ADTRP: variants seen among roughly 807,000 people sequenced by gnomAD.
ADTRP encodes androgen dependent TFPI regulating protein.
Under a neutral mutation model 27.0 loss-of-function variants are expected in ADTRP, and 20 were observed. The observed-to-expected ratio is 0.74, with a 90% CI of 0.52 to 1.08. The LOEUF (loss-of-function observed/expected upper bound fraction) is 1.08. ADTRP is among the 50% of genes least tolerant of loss of function. The pLI is 0.00. For missense variants in ADTRP, 251 were observed against 275.0 expected, an observed-to-expected ratio of 0.91 and a Z score of 0.62; for synonymous variants, 101 against 105.2, an observed-to-expected ratio of 0.96 and a Z score of 0.25.
intron 4 of ADTRP, among the ~76,000 whole-genome samples, chr6:11,734,149 C>A (rs1160336819): frequency 6.6e-6 from 1 of 152,136 alleles, no homozygotes; most frequent in East Asian, 1.9e-4. Flanking sequence ...CATGCAAGAA[C>A]AACAACAACA....
intron 3 of ADTRP, among the ~76,000 whole-genome samples, chr6:11,751,831 G>A (rs148107590): frequency 2.3e-3 from 351 of 152,252 alleles, no homozygotes; most frequent in African/African-American, 7.6e-3. Flanking sequence ...GAGTAAATAC[G>A]TTGACAGTTT....
Position 11,745,239 on chromosome 6 carries a change from A to G in ADTRP, c.391-9556T>C, listed in dbSNP as rs210927. Among the ~76,000 whole-genome samples the G allele has an allele frequency of 6.4e-3, 967 of 151,934 alleles. 27 individuals carry two copies. The highest frequency in any genetic ancestry group is 0.044 in the Admixed American group (663 of 15,226). ...GTGTGTGTGTACCTCTTGCCAGTGG[A>G]GAAGGGAATGGCTAAGAGTAGGGCC... On this transcript the variant is annotated intron_variant, in intron 3 of 5. Coordinates refer to ENST00000414691, the MANE Select transcript of ADTRP (RefSeq NM_032744.4).
intron 5 of ADTRP, among the ~76,000 whole-genome samples, chr6:11,719,747 TG>T (rs1761953778): frequency 6.6e-6 from 1 of 152,226 alleles, no homozygotes; most frequent in African/African-American, 2.4e-5. Context: ...TCCTATTTGC[TG>T]TAAGTACCTG....
rs748563096 is a variant in ADTRP, at chr6:11,768,377, G to C, written c.160C>G (p.Gln54Glu). ...KYMTLLNLLL[Q>E]TIFYGVTCLD... ...CAGGTGACCCCGTAGAAAATGGTCT[G>C]CAAGAGCTAAATCCATTACAACAAA... is the stretch of plus-strand genomic sequence containing the variant. Residue 54 changes from glutamine (Q) to glutamate (E), a missense_variant, in exon 2 of 6, where the codon CAG becomes GAG. Physicochemically the swap from Gln to Glu is conservative, Grantham distance 29. Transcript: ENST00000414691. 1 of 1,614,068 alleles carries C rather than the reference G, an allele frequency of 6.2e-7. No individual in the cohort carries two copies. Among genetic ancestry groups the C allele is most frequent in the Admixed American group, 1.7e-5 (1 of 60,006 alleles).
chr6:11,775,874 G>A (rs1316840734), intron 1 of ADTRP, among the ~76,000 whole-genome samples: 1 of 152,186 alleles, frequency 6.6e-6, no homozygotes, highest in African/African-American at 2.4e-5. Flanking sequence ...ACGAGGAGGG[G>A]TGTAAATTTT....
chr6:11,752,485 G>C (rs1311540212), intron 3 of ADTRP, among the ~76,000 whole-genome samples: 1 of 152,142 alleles, frequency 6.6e-6, no homozygotes, highest in Non-Finnish European at 1.5e-5. Context: ...AGGAGGAAGG[G>C]TTTCAAGGCT....
At position 11,766,343 on chromosome 6, in the gene ADTRP, G is replaced by C. The variant is rs1763572645; in HGVS notation, c.321C>G (p.Leu107=). ...FVFLAFWILF[L]YNRDLIYPKV... ...TGGGGTAAATGAGATCTCGATTGTA[G>C]AGAAAGAGGATCCAGAATGCCAAAA... Residue 107 remains leucine (L), a synonymous_variant, in exon 3 of 6, where the codon CTC becomes CTG. Coordinates refer to ENST00000414691, the MANE Select transcript of ADTRP (RefSeq NM_032744.4). 1 of 1,612,658 alleles carries C rather than the reference G, an allele frequency of 6.2e-7. No homozygotes were observed. Among genetic ancestry groups the C allele is most frequent in the Non-Finnish European group, 8.5e-7 (1 of 1,179,260 alleles).
chr6:11,768,920 C>A (rs1763663754), intron 1 of ADTRP, among the ~76,000 whole-genome samples: 1 of 152,010 alleles, frequency 6.6e-6, no homozygotes, highest in Admixed American at 6.6e-5. Context: ...GAAGAAGAGC[C>A]GGTGCACTTT....
At chr6:11,767,828 T>C (rs909249965) in intron 2 of ADTRP, 3 of 155,260 alleles carry the variant, frequency 1.9e-5, no homozygotes, top group South Asian at 2.0e-4. Flanking sequence ...AATTATTTGA[T>C]GGTTTTCCAC....
intron 3 of ADTRP, among the ~76,000 whole-genome samples, chr6:11,745,244 G>A (rs1762831166): frequency 6.6e-6 from 1 of 151,880 alleles, no homozygotes; most frequent in Admixed American, 6.6e-5. Context: ...AGTGGAGAAG[G>A]GAATGGCTAA....
intron 5 of ADTRP, 67 bp from the exon 6 acceptor site, chr6:11,714,579 G>T: frequency 6.4e-7 from 1 of 1,552,470 alleles, no homozygotes; most frequent in Non-Finnish European, 8.8e-7. Context: ...TTTTGTTGTG[G>T]GTAGAGATTC....
intron 3 of ADTRP, among the ~76,000 whole-genome samples, 166 bp downstream of exon 3, chr6:11,766,108 T>A (rs150805003): frequency 2.6e-5 from 4 of 152,376 alleles, no homozygotes; most frequent in Admixed American, 1.3e-4. Context: ...ATTATAGCAC[T>A]GGCTTGTGTT....
intron 3 of ADTRP, among the ~76,000 whole-genome samples, chr6:11,764,438 A>G (rs1163448916): frequency 6.6e-6 from 1 of 152,222 alleles, no homozygotes; most frequent in African/African-American, 2.4e-5. Context: ...AAAGATACTT[A>G]TAAGACTCTG....
chr6:11,775,811 T>C (rs1763937961), intron 1 of ADTRP, among the ~76,000 whole-genome samples: 1 of 152,204 alleles, frequency 6.6e-6, no homozygotes, highest in African/African-American at 2.4e-5. Flanking sequence ...GGGGCTTTGC[T>C]CTTACAAAGG....
chr6:11,740,487 A>G (rs1296920553), intron 3 of ADTRP, among the ~76,000 whole-genome samples: 13 of 152,262 alleles, frequency 8.5e-5, no homozygotes, highest in Non-Finnish European at 1.3e-4. Context: ...TACAATAGAC[A>G]TAGAAATGGA....
rs561649327 is a variant in ADTRP at position 11,752,482 on chromosome 6, A to G, written c.390+13792T>C. 2.6e-5 allele frequency among the ~76,000 whole-genome samples: 4 copies of G among 152,312 alleles called. No individual in the cohort carries two copies. The South Asian group carries it at 8.3e-4, about 32-fold the overall frequency. On this transcript the variant is annotated intron_variant, in intron 3 of 5. Transcript: ENST00000414691. Reference sequence around the variant, plus strand: ...GCCCATCCAGGGATTCCAAGGAGGAAGGGTTTCAAGGCTTAGGAAGCTGTT... The same window carrying G: ...GCCCATCCAGGGATTCCAAGGAGGAGGGGTTTCAAGGCTTAGGAAGCTGTT...
At chr6:11,737,678 G>T (rs534598017) in intron 3 of ADTRP, among the ~76,000 whole-genome samples, 1 of 152,332 alleles carries the variant, frequency 6.6e-6, no homozygotes, top group East Asian at 1.9e-4. Flanking sequence ...GGGTGCCCCA[G>T]TTAAGGCCAC....
chr6:11,777,471 T>C (rs9470066), intron 1 of ADTRP, among the ~76,000 whole-genome samples: 114,816 of 151,346 alleles, frequency 0.76, 44,614 homozygotes, highest in Non-Finnish European at 0.85. Flanking sequence ...TGTATGCGCG[T>C]GTGTGTGTGT....
At chr6:11,775,904 AC>A (rs1763942540) in intron 1 of ADTRP, among the ~76,000 whole-genome samples, 1 of 152,236 alleles carries the variant, frequency 6.6e-6, no homozygotes, top group Non-Finnish European at 1.5e-5. Flanking sequence ...AGGACTGGAT[AC>A]TAACTTCCCC....
Sources: allele counts gnomAD v4.1 joint callset (sites outside exome capture counted in the v4.1 genomes callset), GRCh38; gene constraint gnomAD v4.1.1; transcripts MANE v1.5; gene names NCBI Gene and HGNC (gene_info 2026-07-23, HGNC 2026-07-21).